Variants in CFAP299 observed in about 807,000 individuals in gnomAD.
The protein encoded by CFAP299 is cilia and flagella associated protein 299.
CFAP299 carries 21 observed loss-of-function variants against 27.0 expected under a neutral mutation model. That is an observed-to-expected ratio of 0.78 (90% CI 0.55 to 1.12). The LOEUF is 1.12. Among genes scored for constraint, CFAP299 ranks in the 50% most tolerant of loss-of-function variants. The pLI, the probability that CFAP299 is intolerant of heterozygous loss-of-function variation, is 0.00. For synonymous variants in CFAP299, 104 were observed against 98.1 expected, an observed-to-expected ratio of 1.06 and a Z score of -0.36; for missense variants, 310 against 276.6, an observed-to-expected ratio of 1.12 and a Z score of -0.86.
intron 3 of CFAP299, among the ~76,000 whole-genome samples, chr4:80,647,646 T>C (rs1226707959): frequency 6.6e-6 from 1 of 152,228 alleles, no homozygotes; most frequent in Non-Finnish European, 1.5e-5. Flanking sequence ...TGGTGTATGC[T>C]AATCAAGAGC....
intron 3 of CFAP299, among the ~76,000 whole-genome samples, chr4:80,651,726 GTGTGTGTGTGTGTTTGTGTGTC>G (rs909950551): frequency 4.7e-5 from 7 of 150,492 alleles, no homozygotes; most frequent in African/African-American, 1.5e-4. Flanking sequence ...GTGTGTGTGT[GTGTGTGTGTGTGTTTGTGTGTC>G]TGTGGTGGAC....
intron 3 of CFAP299, among the ~76,000 whole-genome samples, chr4:80,804,619 C>T (rs546246145): frequency 2.8e-4 from 43 of 151,976 alleles, no homozygotes; most frequent in African/African-American, 4.1e-4. Flanking sequence ...ATCCTGTTTT[C>T]GATATGTAAT....
At chr4:80,608,218 T>C in intron 3 of CFAP299, 3 of 621,390 alleles carry the variant, frequency 4.8e-6, no homozygotes, top group South Asian at 2.5e-5. Flanking sequence ...AATTAGGAAA[T>C]AGATAACTGA....
chr4:80,963,615 A>G lies in CFAP299; in HGVS notation c.*3A>G, dbSNP rs184470001. 127 of 1,554,380 alleles carry G rather than the reference A, an allele frequency of 8.2e-5. 1 individual carries two copies. The African/African-American group carries it at 1.3e-3, about 16-fold the overall frequency. ...ACATTTCCAGAAGGAAGACTTAAGT[A>G]CCAACATGTTAATTTCCTAATAATT... On this transcript the variant is annotated 3_prime_UTR_variant, in exon 6 of 6. Coordinates refer to ENST00000358105, the MANE Select transcript of CFAP299 (RefSeq NM_152770.3).
intron 3 of CFAP299, among the ~76,000 whole-genome samples, chr4:80,700,400 T>C (rs1003627221): frequency 1.3e-4 from 20 of 152,124 alleles, no homozygotes; most frequent in Admixed American, 3.3e-4. Context: ...ATAATACTTA[T>C]TGTTTCAGTA....
At chr4:80,327,701 T>TAACTTCAATAC in the CFAP299 span, among the ~76,000 whole-genome samples, 1 of 61,182 alleles carries the variant, frequency 1.6e-5, no homozygotes, top group Non-Finnish European at 3.2e-5. Context: ...TATATATATA[T>TAACTTCAATAC]ATATATATAT....
At chr4:80,334,376 A>G (rs1722044447), upstream of CFAP299, among the ~76,000 whole-genome samples, 1 of 152,142 alleles carries the variant, frequency 6.6e-6, no homozygotes, top group African/African-American at 2.4e-5. Context: ...ATCTTGATAT[A>G]GGAGGATTCT....
chr4:80,857,377 C>A (rs536022058), intron 3 of CFAP299, among the ~76,000 whole-genome samples: 2 of 152,236 alleles, frequency 1.3e-5, no homozygotes, highest in South Asian at 4.2e-4. Flanking sequence ...TTCCTCTTTT[C>A]CTAATTGAAT....
At chr4:80,853,107 T>G (rs1371365360) in intron 3 of CFAP299, among the ~76,000 whole-genome samples, 4 of 152,212 alleles carry the variant, frequency 2.6e-5, no homozygotes, top group Non-Finnish European at 5.9e-5. Context: ...CTTGGCTCAC[T>G]GCAACCTCCG....
chr4:80,951,082 A>C (rs748722045), intron 5 of CFAP299, among the ~76,000 whole-genome samples: 3 of 152,244 alleles, frequency 2.0e-5, no homozygotes, highest in Non-Finnish European at 4.4e-5. Flanking sequence ...TTTAGAATTC[A>C]AAAGAAAATC....
intron 2 of CFAP299, among the ~76,000 whole-genome samples, chr4:80,421,268 A>G (rs1727273891): frequency 6.6e-6 from 1 of 152,178 alleles, no homozygotes; most frequent in Non-Finnish European, 1.5e-5. Context: ...CTATTAGATT[A>G]CAGTCTCCTT....
At chr4:80,538,047 A>G (rs1219632370) in intron 2 of CFAP299, among the ~76,000 whole-genome samples, 1 of 152,184 alleles carries the variant, frequency 6.6e-6, no homozygotes, top group African/African-American at 2.4e-5. Context: ...TGCATAAACC[A>G]TGGCCCATAA....
At chr4:80,375,612 C>T (rs1228158767) in intron 2 of CFAP299, among the ~76,000 whole-genome samples, 2 of 152,312 alleles carry the variant, frequency 1.3e-5, no homozygotes, top group African/African-American at 2.4e-5. Flanking sequence ...GAATTCAAAA[C>T]GTTAATTGAG....
At chr4:80,812,554 C>A (rs1298132937) in intron 3 of CFAP299, among the ~76,000 whole-genome samples, 1 of 152,034 alleles carries the variant, frequency 6.6e-6, no homozygotes, top group Non-Finnish European at 1.5e-5. Flanking sequence ...AATAATTGAA[C>A]CACTTACCAT....
chr4:80,956,653 G>T (rs1034935272), intron 5 of CFAP299, among the ~76,000 whole-genome samples: 3 of 149,970 alleles, frequency 2.0e-5, no homozygotes. Flanking sequence ...ACAGTATGTT[G>T]CCTGGGCTGG....
chr4:80,377,304 G>T (rs1189949006), intron 2 of CFAP299, among the ~76,000 whole-genome samples: 1 of 151,986 alleles, frequency 6.6e-6, no homozygotes, highest in Non-Finnish European at 1.5e-5. Context: ...TGTAAATTTT[G>T]TTAGGTAAGA....
At chr4:80,809,462 T>A (rs1845182) in intron 3 of CFAP299, among the ~76,000 whole-genome samples, 1 of 152,058 alleles carries the variant, frequency 6.6e-6, no homozygotes. Context: ...CTTTGCATTC[T>A]GTGAAAGGCA....
chr4:80,581,453 G>GATATATATATATATATATAT lies in CFAP299; in HGVS notation c.243-1623_243-1604dup, dbSNP rs70944794. Among the ~76,000 whole-genome samples the GATATATATATATATATATAT allele has an allele frequency of 5.5e-3, 562 of 102,708 alleles. 24 individuals carry two copies. The highest frequency in any genetic ancestry group is 0.012 in the African/African-American group (196 of 15,868). The allele number at this position is 102,708 out of a possible 152,430, so 67.4% of individuals were successfully genotyped here. The stretch of plus-strand genomic sequence containing the variant: ...TGATATATATATAGATATTAAGTGA[G>GATATATATATATATATATAT]ATATATATATATATATATATATATA... On this transcript the variant is annotated intron_variant, in intron 2 of 5. Coordinates refer to ENST00000358105, the MANE Select transcript of CFAP299 (RefSeq NM_152770.3).
rs112280425 is a variant in CFAP299 at position 80,575,329 on chromosome 4, A to C, written c.243-7764A>C. Among the ~76,000 whole-genome samples the C allele has an allele frequency of 2.8e-3, 390 of 140,214 alleles. 2 individuals carry two copies. Among genetic ancestry groups the C allele is most frequent in the African/African-American group, 0.012 (371 of 31,260 alleles). 92.0% of individuals were successfully genotyped at this position (140,214 alleles called of 152,430 possible). On this transcript the variant is annotated intron_variant, in intron 2 of 5. Transcript: ENST00000358105. Reference sequence around the variant, plus strand: ...AATGTCTCCTTTTTCACTTTCATTAAATTTTTTTTTTTTTGAGAACAGATC... The same window carrying C: ...AATGTCTCCTTTTTCACTTTCATTACATTTTTTTTTTTTTGAGAACAGATC...
Sources: gnomAD v4.1 joint callset for allele counts (sites outside exome capture counted in the v4.1 genomes callset) on GRCh38, gnomAD v4.1.1 for gene constraint, MANE v1.5 for transcripts, NCBI Gene and HGNC (gene_info 2026-07-23, HGNC 2026-07-21) for gene names.